Variants in NDRG4 observed in about 807,000 individuals in gnomAD.
NDRG4 encodes the protein protein NDRG4.
Under a neutral mutation model 55.8 loss-of-function variants are expected in NDRG4, and 38 were observed. The ratio of observed to expected loss-of-function variants is 0.68; its 90% CI spans 0.53 to 0.89. The LOEUF is 0.89. Among genes scored for constraint, NDRG4 ranks in the 40% least tolerant of loss-of-function variants. The pLI, the probability that NDRG4 is intolerant of heterozygous loss-of-function variation, is 0.00. For missense variants in NDRG4, 455 were observed against 468.6 expected (o/e 0.97, Z 0.27); for synonymous variants, 190 against 182.7 (o/e 1.04, Z -0.32).
At chr16:58,479,373 G>A (rs1202696808) in intron 1 of NDRG4, among the ~76,000 whole-genome samples, 1 of 152,178 alleles carries the variant, frequency 6.6e-6, no homozygotes, top group African/African-American at 2.4e-5. Flanking sequence ...GCTCACTGAG[G>A]TGGTTTCCAG....
chr16:58,500,695 G>GGGTGT (rs1004670299), intron 1 of NDRG4: 3 of 430,698 alleles, frequency 7.0e-6, no homozygotes, highest in African/African-American at 6.2e-5. Flanking sequence ...CAGGGGGCGG[G>GGGTGT]GGTGTCCTTG....
At chr16:58,473,953 C>T (rs1249614013) in intron 1 of NDRG4, among the ~76,000 whole-genome samples, 3 of 152,028 alleles carry the variant, frequency 2.0e-5, no homozygotes, top group Non-Finnish European at 4.4e-5. Context: ...CGCTTACCAC[C>T]CCTGTCCTCA....
chr16:58,464,387 GC>G lies in NDRG4; in HGVS notation c.-24+594del. The G allele has an allele frequency of 7.3e-7, 1 of 1,369,066 alleles. No homozygotes were observed. Among genetic ancestry groups the G allele is most frequent in the Non-Finnish European group, 9.4e-7 (1 of 1,065,288 alleles). 84.8% of individuals were successfully genotyped at this position (1,369,066 alleles called of 1,614,324 possible). On this transcript the variant is annotated intron_variant, in intron 1 of 15. Coordinates refer to the NDRG4 transcript ENST00000258187. The surrounding 1 kb of genome is among the most constrained non-coding windows in gnomAD (Gnocchi z 4.8). ...TCTCCCCGGCTCGGCCGAGCGCGCT[GC>G]CCCGACGCCGCCACCCAGAGCCGGG...
chr16:58,476,643 A>G (rs750881341), intron 1 of NDRG4, among the ~76,000 whole-genome samples: 23 of 152,230 alleles, frequency 1.5e-4, no homozygotes, highest in Non-Finnish European at 2.6e-4. Flanking sequence ...GGATGTCAGC[A>G]GCTCAGAAGG....
chr16:58,502,614 C>T (rs1359703197), intron 1 of NDRG4, among the ~76,000 whole-genome samples: 1 of 152,186 alleles, frequency 6.6e-6, no homozygotes, highest in Non-Finnish European at 1.5e-5. Flanking sequence ...GAGGCAGGAA[C>T]TCAGGTTCTT....
chr16:58,508,703 C>T (rs1021939482), intron 10 of NDRG4, among the ~76,000 whole-genome samples: 1 of 152,194 alleles, frequency 6.6e-6, no homozygotes, highest in Non-Finnish European at 1.5e-5. Context: ...GCCCAGCCCT[C>T]GCCTGACTCC....
At position 58,506,201 on chromosome 16, in the gene NDRG4, AAATC is replaced by A. The variant is rs1232161320; in HGVS notation, c.373-185_373-182del. ...GGAAACAATGATAGAGATTCTAAAT[AAATC>A]CAAGAACTGTGAAGGGTTCAGTGAG... On this transcript the variant is annotated intron_variant, in intron 5 of 14. Coordinates refer to ENST00000570248, the MANE Select transcript of NDRG4 (RefSeq NM_001242835.2). 4 of 686,644 alleles carry A rather than the reference AAATC, an allele frequency of 5.8e-6. No individual in the cohort carries two copies. The East Asian group carries it at 8.5e-5, about 15-fold the overall frequency. The allele number at this position is 686,644 out of a possible 1,614,324, so 42.5% of individuals were successfully genotyped here. A position where few individuals can be genotyped will look rare whatever the true frequency, so the allele number is the denominator to read the frequency against.
At chr16:58,505,069 A>G (rs2151807871) in intron 5 of NDRG4, among the ~76,000 whole-genome samples, 1 of 152,226 alleles carries the variant, frequency 6.6e-6, no homozygotes, top group African/African-American at 2.4e-5. Flanking sequence ...TTTCAAAAAC[A>G]TCATTGTCGG....
At chr16:58,490,937 A>G (rs988479399) in intron 2 of NDRG4, among the ~76,000 whole-genome samples, 7 of 151,072 alleles carry the variant, frequency 4.6e-5, no homozygotes, top group African/African-American at 1.7e-4. Context: ...AGATTACACC[A>G]CTACACTCCA....
chr16:58,506,534 AC>A, intron 6 of NDRG4, 23 bp from the exon 7 acceptor site: 7 of 1,599,974 alleles, frequency 4.4e-6, no homozygotes, highest in South Asian at 2.2e-5. Flanking sequence ...GGCGGCACTC[AC>A]GCTGGCGCCC....
chr16:58,481,008 T>TA (rs75802479), intron 1 of NDRG4, among the ~76,000 whole-genome samples: 4,027 of 132,094 alleles, frequency 0.03, 90 homozygotes, highest in East Asian at 0.12. Flanking sequence ...GACTCTGTCT[T>TA]AAAAAAAAAA....
At chr16:58,510,586 T>C in intron 13 of NDRG4, 59 bp from the exon 14 acceptor site, 2 of 1,432,560 alleles carry the variant, frequency 1.4e-6, no homozygotes, top group Non-Finnish European at 1.9e-6. Flanking sequence ...GACCACGCTC[T>C]TCACTGTGTT....
chr16:58,511,667 C>A lies in NDRG4; in HGVS notation c.*91C>A. Reference sequence around the variant, plus strand: ...TCCCTTTAGTTTATTTTTGTGAGGGCAAAGGGGAGGAAATGGGGTTCTGTT... The same window carrying A: ...TCCCTTTAGTTTATTTTTGTGAGGGAAAAGGGGAGGAAATGGGGTTCTGTT... On this transcript the variant is annotated 3_prime_UTR_variant, in exon 15 of 15. Transcript: ENST00000570248. The A allele has an allele frequency of 6.7e-7, 1 of 1,497,836 alleles. No individual in the cohort carries two copies. Among genetic ancestry groups the A allele is most frequent in the Non-Finnish European group, 9.3e-7 (1 of 1,076,588 alleles). The allele number at this position is 1,497,836 out of a possible 1,614,324, so 92.8% of individuals were successfully genotyped here. A position where few individuals can be genotyped will look rare whatever the true frequency, so the allele number is the denominator to read the frequency against.
At chr16:58,492,488 CCGTG>C (rs2035891218) in intron 2 of NDRG4, among the ~76,000 whole-genome samples, 2 of 140,310 alleles carry the variant, frequency 1.4e-5, no homozygotes, top group South Asian at 4.7e-4. Context: ...ATCTGCTCCA[CCGTG>C]TGTGTGTGTG....
chr16:58,505,131 C>T (rs542023619), intron 5 of NDRG4, among the ~76,000 whole-genome samples: 26 of 152,204 alleles, frequency 1.7e-4, no homozygotes, highest in South Asian at 6.2e-4. Flanking sequence ...GGGCAGATCA[C>T]GAGGTCAGGA....
chr16:58,498,011 T>C (rs2036602592), upstream of NDRG4, among the ~76,000 whole-genome samples: 1 of 152,108 alleles, frequency 6.6e-6, no homozygotes, highest in African/African-American at 2.4e-5. Flanking sequence ...CAGGAAGGAC[T>C]TAAACCCACG....
At chr16:58,495,402 C>T (rs147363495), upstream of NDRG4, 6 of 192,114 alleles carry the variant, frequency 3.1e-5, no homozygotes, top group East Asian at 6.0e-4. Context: ...GTTGCTCACT[C>T]GGCCAGTCGT....
At chr16:58,469,871 G>A (rs902849466) in intron 1 of NDRG4, among the ~76,000 whole-genome samples, 3 of 152,218 alleles carry the variant, frequency 2.0e-5, no homozygotes, top group African/African-American at 4.8e-5. Context: ...GGTAAACTGA[G>A]GCACAGATAG....
chr16:58,485,366 G>A (rs370587810), intron 1 of NDRG4, among the ~76,000 whole-genome samples: 8 of 152,078 alleles, frequency 5.3e-5, no homozygotes, highest in Non-Finnish European at 5.9e-5. Context: ...CACCACCTCC[G>A]TCACAGGCCA....
Sources: allele counts gnomAD v4.1 joint callset (sites outside exome capture counted in the v4.1 genomes callset), GRCh38; gene constraint gnomAD v4.1.1; non-coding constraint Gnocchi (gnomAD v3.1); transcripts MANE v1.5; gene names NCBI Gene and HGNC (gene_info 2026-07-23, HGNC 2026-07-21).